The following GLI3 variants were observed in gnomAD, a reference collection of about 807,000 sequenced individuals.
The protein encoded by GLI3 is transcription activator GLI3.
A neutral mutation model predicts 100.8 loss-of-function variants in GLI3; 20 were observed. The ratio of observed to expected loss-of-function variants is 0.20; its 90% CI spans 0.14 to 0.29. GLI3 has a LOEUF of 0.29. Ranked by LOEUF, GLI3 falls within the 10% of genes least tolerant of loss-of-function variation. The probability of loss-of-function intolerance (pLI) is 1.00; values close to 1 mark genes in which losing one functional copy is unlikely to be tolerated. For missense variants in GLI3, 2,040 were observed against 2,128.5 expected (o/e 0.96, Z 0.82); for synonymous variants, 938 against 860.5 (o/e 1.09, Z -1.58).
intron 3 of GLI3, among the ~76,000 whole-genome samples, chr7:42,130,112 T>G (rs2128776331): frequency 6.6e-6 from 1 of 152,206 alleles, no homozygotes; most frequent in East Asian, 1.9e-4. Flanking sequence ...ACACCCTTAT[T>G]GGTACCCAAG....
intron 2 of GLI3, among the ~76,000 whole-genome samples, chr7:42,221,098 T>C (rs1049265196): frequency 2.0e-5 from 3 of 152,222 alleles, no homozygotes; most frequent in African/African-American, 4.8e-5. Flanking sequence ...CAAACATTTG[T>C]AAATCATGAC....
At chr7:42,023,371 C>G in intron 10 of GLI3, 97 bp downstream of exon 10, 1 of 1,288,348 alleles carries the variant, frequency 7.8e-7, no homozygotes, top group Non-Finnish European at 1.1e-6. Flanking sequence ...CAATGCGGCT[C>G]CTAAGAAACT....
chr7:41,989,098 A>C (rs1297183035), intron 10 of GLI3, among the ~76,000 whole-genome samples: 2 of 152,236 alleles, frequency 1.3e-5, no homozygotes, highest in Non-Finnish European at 1.5e-5. Flanking sequence ...CCAAATGACA[A>C]CAAAACCAGT....
chr7:42,243,636 T>G (rs1788945385), intron 1 of GLI3, among the ~76,000 whole-genome samples: 1 of 152,122 alleles, frequency 6.6e-6, no homozygotes, highest in Admixed American at 6.5e-5. Flanking sequence ...AATAAAGGAG[T>G]GGATCTACTA....
At chr7:42,188,211 C>A (rs1787758247) in intron 2 of GLI3, among the ~76,000 whole-genome samples, 1 of 152,046 alleles carries the variant, frequency 6.6e-6, no homozygotes, top group South Asian at 2.1e-4. Flanking sequence ...ACCTTGGTTG[C>A]AGAATTCTGG....
chr7:42,155,705 G>C (rs1314150938), intron 2 of GLI3, among the ~76,000 whole-genome samples: 1 of 152,100 alleles, frequency 6.6e-6, no homozygotes, highest in African/African-American at 2.4e-5. Context: ...GGGATAGAAG[G>C]GAGTGGGCAG....
chr7:42,217,306 T>C (rs1330239931), intron 2 of GLI3, among the ~76,000 whole-genome samples: 1 of 152,158 alleles, frequency 6.6e-6, no homozygotes, highest in Non-Finnish European at 1.5e-5. Context: ...GGAAAGGTGA[T>C]ATACTTAGCC....
At chr7:42,238,870 G>C (rs769750987), upstream of GLI3, among the ~76,000 whole-genome samples, 1 of 152,230 alleles carries the variant, frequency 6.6e-6, no homozygotes, top group East Asian at 1.9e-4. Context: ...CGGAGCTCCG[G>C]GTTGCTTGTG....
intron 2 of GLI3, among the ~76,000 whole-genome samples, chr7:42,165,605 T>G (rs1787226033): frequency 6.6e-6 from 1 of 152,174 alleles, no homozygotes; most frequent in Non-Finnish European, 1.5e-5. Context: ...AGACTGCTGG[T>G]GCATTTGGGG....
chr7:41,968,755 AG>A (rs1251347363), intron 13 of GLI3, among the ~76,000 whole-genome samples: 3 of 101,912 alleles, frequency 2.9e-5, no homozygotes, highest in African/African-American at 4.0e-5. Context: ...AAAGAAAGAA[AG>A]AAAGAAGGAA....
rs1415826109 is a variant in GLI3 at position 42,025,364 on chromosome 7, C to T, written c.1256G>A (p.Ser419Asn). 1 of 1,613,302 alleles carries T rather than the reference C, an allele frequency of 6.2e-7. No homozygotes were observed. Among genetic ancestry groups the T allele is most frequent in the East Asian group, 2.2e-5 (1 of 44,874 alleles). ...ACCAGTGCTGCTCACTGCAGACTCACTCGTGGGCTTGTTCTGCTGGTCACA... is the reference window on the plus strand; with the variant it reads ...ACCAGTGCTGCTCACTGCAGACTCATTCGTGGGCTTGTTCTGCTGGTCACA... ...PSESSQNKPT[S>N]ESAVSSTGDP... Residue 419 changes from serine to asparagine, a missense_variant, in exon 9 of 15, where the codon AGT becomes AAT. Around this residue, in one of 5 missense-constraint regions of GLI3, gnomAD observed 603 missense variants for 690.9 expected, o/e 0.87. Transcript: ENST00000395925.
chr7:42,148,238 C>T lies in GLI3; in HGVS notation c.355G>A (p.Glu119Lys). ...FAMDPRNGYM[E>K]PHYHPPHLFP... The stretch of plus-strand genomic sequence containing the variant: ...CATGGGCACTTACGGTAGTGGGGCT[C>T]CATGTAACCATTCCTGGGGTCCATG... Residue 119 changes from glutamate to lysine, a missense_variant, in exon 3 of 15, where the codon GAG (glutamate) becomes AAG (lysine). Physicochemically the swap from Glu to Lys is moderately conservative, Grantham distance 56. Coordinates refer to ENST00000395925, the MANE Select transcript of GLI3 (RefSeq NM_000168.6). 6.2e-7 allele frequency: 1 copy of T among 1,611,412 alleles called. No individual in the cohort carries two copies. Among genetic ancestry groups the T allele is most frequent in the Non-Finnish European group, 8.5e-7 (1 of 1,178,614 alleles).
chr7:42,176,674 C>T (rs1349250942), intron 2 of GLI3, among the ~76,000 whole-genome samples: 2 of 152,246 alleles, frequency 1.3e-5, no homozygotes, highest in South Asian at 2.1e-4. Context: ...CAACTTAACT[C>T]AGTGAGCATT....
In GLI3 at chr7:41,967,634, G is replaced by A; in HGVS notation, c.2393C>T (p.Pro798Leu). Residue 798 changes from proline (P) to leucine (L), a missense_variant, in exon 14 of 15, where the codon CCC becomes CTC. Physicochemically the swap from Pro to Leu is moderately conservative, Grantham distance 98. Coordinates refer to ENST00000395925, the MANE Select transcript of GLI3 (RefSeq NM_000168.6). ...AGGAGAGACCGCAGGGGCTTTAGGG[G>A]GTAGAATGGGGTTCAGTCGCGGAAA... is the stretch of plus-strand genomic sequence containing the variant. ...GMFPRLNPIL[P>L]PKAPAVSPLI... The A allele has an allele frequency of 1.2e-6, 2 of 1,613,758 alleles. No homozygotes were observed. Among genetic ancestry groups the A allele is most frequent in the Non-Finnish European group, 1.7e-6 (2 of 1,179,840 alleles).
At chr7:42,081,401 G>A (rs1784994310) in intron 3 of GLI3, among the ~76,000 whole-genome samples, 3 of 152,098 alleles carry the variant, frequency 2.0e-5, no homozygotes, top group Admixed American at 2.0e-4. Flanking sequence ...ACTCTCCCAG[G>A]CTTGAGTGGA....
rs1787152413 is a variant in GLI3, at chr7:41,965,762, T to C, written c.3311A>G (p.Asn1104Ser). ...DDVVQYLNSQ[N>S]QAGYEQHFPS... is the part of the protein sequence containing the mutation. ...GAAGTGCTGCTCGTACCCTGCTTGG[T>C]TCTGGGAATTTAAATACTGCACCAC... The change falls in exon 15 of 15, where the codon AAC (asparagine) becomes AGC (serine). Residue 1104 changes from asparagine to serine, a missense_variant. This residue lies in a region of GLI3 where 1,041 missense variants were observed against 924.0 expected (regional missense o/e 1.13). Transcript: ENST00000395925. 3.1e-6 allele frequency: 5 copies of C among 1,613,184 alleles called. No individual in the cohort carries two copies. The highest frequency in any genetic ancestry group is 4.2e-6 in the Non-Finnish European group (5 of 1,179,884).
intron 2 of GLI3, among the ~76,000 whole-genome samples, chr7:42,159,524 T>C (rs553389495): frequency 6.6e-6 from 1 of 152,292 alleles, no homozygotes; most frequent in African/African-American, 2.4e-5. Flanking sequence ...AAGAAAGTTT[T>C]CTCTTTTTTT....
intron 10 of GLI3, among the ~76,000 whole-genome samples, chr7:42,000,006 G>A (rs79913308): frequency 3.0e-4 from 46 of 152,334 alleles, no homozygotes; most frequent in African/African-American, 1.1e-3. Context: ...CAGACAGGGA[G>A]AGGGAACATC....
chr7:42,090,904 G>C (rs1359548524), intron 3 of GLI3, among the ~76,000 whole-genome samples: 1 of 152,234 alleles, frequency 6.6e-6, no homozygotes, highest in East Asian at 1.9e-4. Flanking sequence ...TTGCAAATGA[G>C]AAAATAGGGA....
Sources: gnomAD v4.1 joint callset for allele counts (sites outside exome capture counted in the v4.1 genomes callset) on GRCh38, gnomAD v4.1.1 for gene constraint, gnomAD v4.1.1 regional missense constraint, MANE v1.5 for transcripts, NCBI Gene and HGNC (gene_info 2026-07-23, HGNC 2026-07-21) for gene names.